Variants in RBM47 observed in about 807,000 individuals in gnomAD.
RBM47 encodes RNA-binding protein 47.
In RBM47, 21 loss-of-function variants were observed where a neutral mutation model predicts 47.1. The ratio of observed to expected loss-of-function variants is 0.45; its 90% confidence interval spans 0.32 to 0.64. The LOEUF (loss-of-function observed/expected upper bound fraction) is 0.64. Ranked by LOEUF, RBM47 falls within the 30% of genes least tolerant of loss-of-function variation. RBM47 has a pLI of 0.05. For synonymous variants in RBM47, 375 were observed against 361.7 expected, an observed-to-expected ratio of 1.04 and a Z score of -0.42; for missense variants, 708 against 870.9, an observed-to-expected ratio of 0.81 and a Z score of 2.35.
chr4:40,629,939 C>G (rs948688567), upstream of RBM47: 2 of 152,214 alleles, frequency 1.3e-5, no homozygotes, highest in Non-Finnish European at 1.5e-5. Flanking sequence ...CTCACAGTAG[C>G]AAGGTTGTCT....
chr4:40,592,482 T>C lies in RBM47; in HGVS notation c.-240+36914A>G, dbSNP rs369577432. Reference sequence around the variant, plus strand: ...TCTTGTTGCCCAGGCTGGAGTGCAATGGCATGATCTCAGCTCACCGCAACC... The same window carrying C: ...TCTTGTTGCCCAGGCTGGAGTGCAACGGCATGATCTCAGCTCACCGCAACC... On this transcript the variant is annotated intron_variant, in intron 1 of 6. Transcript: ENST00000295971. 5.8e-4 allele frequency among the ~76,000 whole-genome samples: 87 copies of C among 150,612 alleles called. 1 individual carries two copies. The highest frequency in any genetic ancestry group is 2.0e-3 in the African/African-American group (81 of 40,902).
intron 2 of RBM47, among the ~76,000 whole-genome samples, chr4:40,494,948 G>A (rs1382955993): frequency 6.6e-6 from 1 of 152,004 alleles, no homozygotes; most frequent in Non-Finnish European, 1.5e-5. Context: ...TTCATTTGTC[G>A]ATTGATTCCT....
chr4:40,509,882 CAA>C (rs35409771), intron 2 of RBM47, among the ~76,000 whole-genome samples: 1 of 126,550 alleles, frequency 7.9e-6, no homozygotes, highest in Non-Finnish European at 1.7e-5. Context: ...GACTCCGTCT[CAA>C]AAAAAAAAAG....
intron 1 of RBM47, among the ~76,000 whole-genome samples, chr4:40,574,206 C>G (rs976679830): frequency 5.9e-5 from 9 of 152,150 alleles, no homozygotes; most frequent in African/African-American, 2.2e-4. Flanking sequence ...GTAGGAAACT[C>G]CTCCTAAAGT....
chr4:40,538,246 G>C (rs403427), intron 2 of RBM47, among the ~76,000 whole-genome samples: 65,094 of 151,526 alleles, frequency 0.43, 16,701 homozygotes, highest in African/African-American at 0.72. Context: ...GGATACAGAT[G>C]AGAAAAGGGA....
chr4:40,542,029 C>A (rs555495064), intron 2 of RBM47, among the ~76,000 whole-genome samples: 2 of 152,132 alleles, frequency 1.3e-5, no homozygotes, highest in African/African-American at 4.8e-5. Flanking sequence ...AGCTGATTAC[C>A]TTCCTTGGGG....
intron 3 of RBM47, among the ~76,000 whole-genome samples, chr4:40,449,147 G>A (rs1426750196): frequency 1.3e-5 from 2 of 152,170 alleles, no homozygotes; most frequent in African/African-American, 4.8e-5. Flanking sequence ...CAAAATGGAG[G>A]CAGAACATGG....
intron 1 of RBM47, among the ~76,000 whole-genome samples, chr4:40,554,208 A>G (rs1729854402): frequency 1.3e-5 from 2 of 152,076 alleles, no homozygotes; most frequent in South Asian, 2.1e-4. Flanking sequence ...TCCCAATGAT[A>G]ACTTCCTATC....
intron 6 of RBM47, 41 bp from the exon 7 acceptor site, chr4:40,426,184 T>A: frequency 6.3e-7 from 1 of 1,592,110 alleles, no homozygotes; most frequent in Non-Finnish European, 8.6e-7. Flanking sequence ...TGAACACGTG[T>A]ATGTACCTAT....
At chr4:40,445,125 T>G (rs946884815) in intron 3 of RBM47, among the ~76,000 whole-genome samples, 1 of 151,324 alleles carries the variant, frequency 6.6e-6, no homozygotes, top group African/African-American at 2.4e-5. Flanking sequence ...ATAGAAAAAA[T>G]TAGCTGGGTG....
At chr4:40,587,696 T>C (rs142206733) in intron 1 of RBM47, among the ~76,000 whole-genome samples, 55 of 152,280 alleles carry the variant, frequency 3.6e-4, no homozygotes, top group African/African-American at 1.3e-3. Flanking sequence ...GGTTTCTCTA[T>C]CTAGATAATG....
chr4:40,441,326 C>T (rs1234460434), intron 3 of RBM47, among the ~76,000 whole-genome samples: 6 of 151,688 alleles, frequency 4.0e-5, no homozygotes, highest in African/African-American at 1.2e-4. Flanking sequence ...CTATGTTACC[C>T]CAGCTAGTCT....
intron 3 of RBM47, among the ~76,000 whole-genome samples, chr4:40,464,520 C>CCT (rs1279646157): frequency 6.6e-6 from 1 of 151,990 alleles, no homozygotes; most frequent in Non-Finnish European, 1.5e-5. Context: ...ATACTGTATG[C>CCT]CTCTATTTTG....
intron 1 of RBM47, among the ~76,000 whole-genome samples, chr4:40,561,227 C>CTTTTTT (rs1176318537): frequency 7.0e-5 from 8 of 113,612 alleles, no homozygotes; most frequent in Non-Finnish European, 1.1e-4. Context: ...TTTCCATTGT[C>CTTTTTT]TTTTTTTTTT....
chr4:40,535,558 C>T lies in RBM47; in HGVS notation c.-155+8864G>A, dbSNP rs551296664. 1.4e-4 allele frequency among the ~76,000 whole-genome samples: 21 copies of T among 144,866 alleles called. No homozygotes were observed. The East Asian group carries it at 2.6e-3, about 18-fold the overall frequency. On this transcript the variant is annotated intron_variant, in intron 2 of 6. Coordinates refer to ENST00000295971, the MANE Select transcript of RBM47 (RefSeq NM_001098634.2). ...GGCTAATTTTTGTATTTTTTTTTTT[C>T]GTTTTTGTTTTTGTATTTTTCAGAC...
At chr4:40,581,150 G>A (rs976306918) in intron 1 of RBM47, among the ~76,000 whole-genome samples, 4 of 152,132 alleles carry the variant, frequency 2.6e-5, no homozygotes, top group Non-Finnish European at 5.9e-5. Context: ...AGCCGGGCAC[G>A]GTGGCTCAGG....
In RBM47 at chr4:40,572,255, C is replaced by T. The variant is rs749400443; in HGVS notation, c.-239-27749G>A. Among the ~76,000 whole-genome samples the T allele has an allele frequency of 1.3e-5, 2 of 150,566 alleles. 1 individual carries two copies. Among genetic ancestry groups the T allele is most frequent in the Non-Finnish European group, 3.0e-5 (2 of 67,558 alleles). ...AAAATTAGCTGGACCTCGTGGCATC[C>T]GCCTGTAATCCTTGCCACTAGGGAG... On this transcript the variant is annotated intron_variant, in intron 1 of 6. Transcript: ENST00000295971.
intron 2 of RBM47, among the ~76,000 whole-genome samples, chr4:40,536,759 T>C (rs1461625125): frequency 6.6e-6 from 1 of 151,884 alleles, no homozygotes; most frequent in Non-Finnish European, 1.5e-5. Context: ...AGAGTCTCGC[T>C]CTGTCATCCA....
At chr4:40,592,717 C>T (rs1012518297) in intron 1 of RBM47, among the ~76,000 whole-genome samples, 6 of 150,144 alleles carry the variant, frequency 4.0e-5, no homozygotes, top group Non-Finnish European at 7.4e-5. Context: ...AGCCACCGCG[C>T]CTGGCCAACT....
Sources: gnomAD v4.1 joint callset for allele counts (sites outside exome capture counted in the v4.1 genomes callset) on GRCh38, gnomAD v4.1.1 for gene constraint, MANE v1.5 for transcripts, NCBI Gene and HGNC (gene_info 2026-07-23, HGNC 2026-07-21) for gene names.